The following MRC2 variants were observed in gnomAD, a reference collection of about 807,000 sequenced individuals.
The protein encoded by MRC2 is C-type mannose receptor 2.
A neutral mutation model predicts 206.2 loss-of-function variants in MRC2; 84 were observed. That is an observed-to-expected ratio of 0.41 (90% confidence interval 0.34 to 0.49). The LOEUF (loss-of-function observed/expected upper bound fraction) is 0.49. MRC2 is among the 20% of genes least tolerant of loss of function. MRC2 has a pLI of 0.31. For synonymous variants in MRC2, 798 were observed against 800.0 expected, an observed-to-expected ratio of 1.00 and a Z score of 0.04; for missense variants, 1,676 against 2,001.5, an observed-to-expected ratio of 0.84 and a Z score of 3.10.
chr17:62,641,219 G>T (rs2088398464), intron 1 of MRC2, among the ~76,000 whole-genome samples: 1 of 151,430 alleles, frequency 6.6e-6, no homozygotes, highest in Non-Finnish European at 1.5e-5. Flanking sequence ...CAGCACTTTG[G>T]GAGGCCGAGG....
At position 62,664,858 on chromosome 17, in the gene MRC2, G is replaced by C; in HGVS notation, c.429G>C (p.Lys143Asn). The C allele has an allele frequency of 6.2e-7, 1 of 1,613,764 alleles. No homozygotes were observed. Among genetic ancestry groups the C allele is most frequent in the Non-Finnish European group, 8.5e-7 (1 of 1,180,028 alleles). The change falls in exon 2 of 30, where the codon AAG (lysine) becomes AAC (asparagine). Residue 143 changes from lysine (K) to asparagine (N), a missense_variant. By Grantham distance (94) the Lys-to-Asn change is moderately conservative. Around this residue, in one of 3 missense-constraint regions of MRC2, gnomAD observed 318 missense variants for 346.7 expected, o/e 0.92. Coordinates refer to ENST00000303375, the MANE Select transcript of MRC2 (RefSeq NM_006039.5). This position sits in a 1 kb window ranked among gnomAD's most constrained non-coding sequence, Gnocchi z 4.7. The part of the protein sequence containing the change: ...LLGARTSNIS[K>N]PGTLERGDQT... ...GGGCCCGCACCAGCAACATATCCAA[G>C]CCTGGCACCCTTGAGCGTGGTGACC...
At position 62,691,017 on chromosome 17, in the gene MRC2, C is replaced by T. The variant is rs756065174; in HGVS notation, c.4081C>T (p.Pro1361Ser). 1 of 1,609,124 alleles carries T rather than the reference C, an allele frequency of 6.2e-7. No individual in the cohort carries two copies. The highest frequency in any genetic ancestry group is 8.5e-7 in the Non-Finnish European group (1 of 1,178,742). Residue 1361 changes from proline (P) to serine (S), a missense_variant, in exon 28 of 30, where the codon CCC (proline) becomes TCC (serine). By Grantham distance (74) the Pro-to-Ser change is moderately conservative. Around this residue, in one of 3 missense-constraint regions of MRC2, gnomAD observed 1,354 missense variants for 1,636.6 expected, o/e 0.83. Coordinates refer to ENST00000303375, the MANE Select transcript of MRC2 (RefSeq NM_006039.5). The part of the protein sequence containing the change: ...YSNWGPPGLG[P>S]SMLSHNSCYW... Reference sequence around the variant, plus strand: ...CAACTGGGGGCCCCCGGGCTTGGGCCCCAGCATGCTGAGCCACAACAGCTG... The same window carrying T: ...CAACTGGGGGCCCCCGGGCTTGGGCTCCAGCATGCTGAGCCACAACAGCTG...
At chr17:62,642,695 C>T (rs758008719) in intron 1 of MRC2, among the ~76,000 whole-genome samples, 1 of 152,162 alleles carries the variant, frequency 6.6e-6, no homozygotes, top group Non-Finnish European at 1.5e-5. Context: ...GATCCATGTG[C>T]CTCAGCCTCC....
chr17:62,666,828 T>G lies in MRC2; in HGVS notation c.931T>G (p.Trp311Gly). The G allele has an allele frequency of 2.5e-6, 4 of 1,613,558 alleles. No homozygotes were observed. Among genetic ancestry groups the G allele is most frequent in the Non-Finnish European group, 2.5e-6 (3 of 1,179,924 alleles). Residue 311 changes from tryptophan (W) to glycine (G), a missense_variant, in exon 5 of 30, where the codon TGG becomes GGG. This residue lies in a region of MRC2 where 1,354 missense variants were observed against 1,636.6 expected (regional missense o/e 0.83). Transcript: ENST00000303375. The surrounding 1 kb of genome is among the most constrained non-coding windows in gnomAD (Gnocchi z 5.0). ...CTTGGACACGAGCGGAGGCTGGCAG[T>G]GGTCGGACAACTCGCCCCTCAAGTA... The part of the protein sequence containing the change: ...NDLDTSGGWQ[W>G]SDNSPLKYLN...
At chr17:62,670,781 C>T (rs567471889) in intron 6 of MRC2, among the ~76,000 whole-genome samples, 4 of 152,230 alleles carry the variant, frequency 2.6e-5, no homozygotes, top group African/African-American at 9.6e-5. Flanking sequence ...TGAGCACCTC[C>T]TAATGTTCTC....
chr17:62,671,757 C>T lies in MRC2; in HGVS notation c.1226C>T (p.Ala409Val). The T allele has an allele frequency of 6.2e-7, 1 of 1,613,290 alleles. No individual in the cohort carries two copies. Among genetic ancestry groups the T allele is most frequent in the Non-Finnish European group, 8.5e-7 (1 of 1,179,614 alleles). ...EKRSWQESKK[A>V]CLRGGGDLVS... is the part of the protein sequence containing the mutation. ...CGCAGCTGGCAGGAGTCCAAGAAGGCATGTCTACGGGGCGGTGGCGACCTG... is the reference window on the plus strand; with the variant it reads ...CGCAGCTGGCAGGAGTCCAAGAAGGTATGTCTACGGGGCGGTGGCGACCTG... Residue 409 changes from alanine to valine, a missense_variant, in exon 7 of 30, where the codon GCA becomes GTA. Transcript: ENST00000303375. This position sits in a 1 kb window ranked among gnomAD's most constrained non-coding sequence, Gnocchi z 4.5.
At chr17:62,690,357 C>G (rs763450864) in intron 26 of MRC2, 52 bp downstream of exon 26, 6 of 1,558,150 alleles carry the variant, frequency 3.9e-6, no homozygotes, top group South Asian at 1.2e-5. Flanking sequence ...CACCTCCTCT[C>G]GTGGGCACTC....
intron 1 of MRC2, among the ~76,000 whole-genome samples, chr17:62,653,418 G>A (rs2088581560): frequency 6.6e-6 from 1 of 152,116 alleles, no homozygotes; most frequent in Non-Finnish European, 1.5e-5. Flanking sequence ...AAAACCGCGG[G>A]AAAGGTGACA....
chr17:62,628,089 G>T (rs2084184361), intron 1 of MRC2, among the ~76,000 whole-genome samples, 169 bp downstream of exon 1: 1 of 152,186 alleles, frequency 6.6e-6, no homozygotes, highest in South Asian at 2.1e-4. Context: ...TGAAAGCGGG[G>T]GAGGAGAGGG....
At chr17:62,669,127 A>ACACAC (rs1568062755) in intron 6 of MRC2, among the ~76,000 whole-genome samples, 23 of 144,342 alleles carry the variant, frequency 1.6e-4, no homozygotes, top group East Asian at 4.1e-4. Flanking sequence ...CACACACACA[A>ACACAC]CACTAACTAC....
chr17:62,677,171 C>T (rs2088903267), intron 11 of MRC2, 98 bp from the exon 12 acceptor site: 2 of 1,025,446 alleles, frequency 2.0e-6, no homozygotes, highest in East Asian at 2.6e-5. Flanking sequence ...CAAGCTGGTT[C>T]CCAGTGTGAG....
chr17:62,653,796 A>G (rs564297940), intron 1 of MRC2, among the ~76,000 whole-genome samples: 1 of 152,030 alleles, frequency 6.6e-6, no homozygotes, highest in East Asian at 1.9e-4. Context: ...GAAACCCACC[A>G]TGGTTCAGGA....
Position 62,652,239 on chromosome 17 carries a change from C to T in MRC2, c.119-12309C>T, listed in dbSNP as rs927937977. Among the ~76,000 whole-genome samples, 3 of 152,250 alleles carry T rather than the reference C, an allele frequency of 2.0e-5. No individual in the cohort carries two copies. The highest frequency in any genetic ancestry group is 4.4e-5 in the Non-Finnish European group (3 of 68,044). ...CACTCACTGGTTCGTCCTCAATCAACCAGGCGTGGAGTCCTAACCTGTCCA... is the reference window on the plus strand; with the variant it reads ...CACTCACTGGTTCGTCCTCAATCAATCAGGCGTGGAGTCCTAACCTGTCCA... On this transcript the variant is annotated intron_variant, in intron 1 of 29. Coordinates refer to ENST00000303375, the MANE Select transcript of MRC2 (RefSeq NM_006039.5). This position sits in a 1 kb window ranked among gnomAD's most constrained non-coding sequence, Gnocchi z 4.6.
At chr17:62,660,275 G>T (rs1468640436) in intron 1 of MRC2, among the ~76,000 whole-genome samples, 2 of 152,098 alleles carry the variant, frequency 1.3e-5, no homozygotes, top group Non-Finnish European at 2.9e-5. Context: ...CAGTTTTACC[G>T]GTTAGAGCTT....
intron 1 of MRC2, among the ~76,000 whole-genome samples, chr17:62,653,186 A>G (rs1248918433): frequency 2.6e-5 from 4 of 152,148 alleles, no homozygotes; most frequent in African/African-American, 7.2e-5. Context: ...TCCTCCGGCA[A>G]GGGGGGCCTG....
chr17:62,682,530 A>G (rs1307443693), intron 20 of MRC2, among the ~76,000 whole-genome samples, 153 bp downstream of exon 20: 2 of 152,184 alleles, frequency 1.3e-5, no homozygotes, highest in East Asian at 1.9e-4. Context: ...CTCCAGTACC[A>G]GGGCCAGACT....
intron 2 of MRC2, among the ~76,000 whole-genome samples, 196 bp from the exon 3 acceptor site, chr17:62,665,896 CCT>C (rs2088746897): frequency 1.3e-5 from 2 of 152,194 alleles, no homozygotes; most frequent in Admixed American, 6.5e-5. Context: ...TGCAGCAAGA[CCT>C]CTCTCTGGTT....
At chr17:62,676,335 G>A in intron 10 of MRC2, 48 bp from the exon 11 acceptor site, 1 of 1,606,830 alleles carries the variant, frequency 6.2e-7, no homozygotes, top group Non-Finnish European at 8.5e-7. Flanking sequence ...GTGACTGGGG[G>A]ATTGGGAAGC....
intron 1 of MRC2, among the ~76,000 whole-genome samples, chr17:62,636,232 C>T (rs2088316055): frequency 7.0e-6 from 1 of 142,240 alleles, no homozygotes; most frequent in African/African-American, 2.7e-5. Context: ...ACCTGGGCAA[C>T]AGAGTGAGAC....
Sources: gnomAD v4.1 joint callset for allele counts (sites outside exome capture counted in the v4.1 genomes callset) on GRCh38, gnomAD v4.1.1 for gene constraint, gnomAD v4.1.1 regional missense constraint, Gnocchi (gnomAD v3.1) non-coding constraint, MANE v1.5 for transcripts, NCBI Gene and HGNC (gene_info 2026-07-23, HGNC 2026-07-21) for gene names.